Variants in STX3 observed in about 807,000 individuals in gnomAD.
STX3 encodes the protein syntaxin-3.
In STX3, 19 loss-of-function variants were observed where a neutral mutation model predicts 40.2. The observed-to-expected ratio is 0.47, with a 90% confidence interval of 0.33 to 0.69. The LOEUF (loss-of-function observed/expected upper bound fraction) is 0.69, where lower values mean the gene tolerates loss of function less well. Ranked by LOEUF, STX3 falls within the 30% of genes least tolerant of loss-of-function variation. The probability of loss-of-function intolerance (pLI) is 0.02; values close to 1 mark genes in which losing one functional copy is unlikely to be tolerated. For synonymous variants in STX3, 122 were observed against 132.2 expected (o/e 0.92, Z 0.53); for missense variants, 364 against 366.7 (o/e 0.99, Z 0.06).
chr11:59,755,768 C>T, intron 1 of STX3, 133 bp downstream of exon 1: 2 of 1,255,984 alleles, frequency 1.6e-6, no homozygotes, highest in Non-Finnish European at 2.1e-6. Context: ...CCACCGCTTC[C>T]CGCGCCGGTT....
chr11:59,760,071 G>C (rs369115352), intron 1 of STX3, among the ~76,000 whole-genome samples: 2 of 152,204 alleles, frequency 1.3e-5, no homozygotes, highest in African/African-American at 2.4e-5. Context: ...TCTGTGAGCA[G>C]ACGGGAACCA....
intron 2 of STX3, among the ~76,000 whole-genome samples, chr11:59,778,428 G>T (rs1864125439): frequency 6.6e-6 from 1 of 152,164 alleles, no homozygotes; most frequent in Non-Finnish European, 1.5e-5. Context: ...CACCAGGAAA[G>T]TGAGTACTCA....
At chr11:59,770,577 G>A (rs1863553285) in intron 1 of STX3, among the ~76,000 whole-genome samples, 1 of 152,092 alleles carries the variant, frequency 6.6e-6, no homozygotes, top group Admixed American at 6.5e-5. Context: ...AGGTTGCTGA[G>A]GGGCCTGAGA....
rs1865947928 is a variant in STX3, at chr11:59,802,942, C to T, written c.*2118C>T. The T allele has an allele frequency of 2.0e-6, 2 of 985,274 alleles. No individual in the cohort carries two copies. The highest frequency in any genetic ancestry group is 9.4e-5 in the South Asian group (2 of 21,286). The allele number at this position is 985,274 out of a possible 1,614,324, so 61.0% of individuals were successfully genotyped here. ...AATTTGGTTCAGTCCTTGGGAGTAT[C>T]TGGCTTTAGGAGGAAATGGGGGAGA... On this transcript the variant is annotated 3_prime_UTR_variant, in exon 11 of 11. Coordinates refer to ENST00000337979, the MANE Select transcript of STX3 (RefSeq NM_004177.5).
intron 1 of STX3, among the ~76,000 whole-genome samples, chr11:59,764,523 C>T (rs1863191054): frequency 6.6e-6 from 1 of 152,102 alleles, no homozygotes; most frequent in Non-Finnish European, 1.5e-5. Flanking sequence ...ATCTGACTGC[C>T]TGAGTTGGAT....
At chr11:59,754,649 C>T (rs1862618364), upstream of STX3, 1 of 152,220 alleles carries the variant, frequency 6.6e-6, no homozygotes, top group African/African-American at 2.4e-5. Context: ...TAAAGCCCCT[C>T]CTCGCTCACA....
intron 4 of STX3, among the ~76,000 whole-genome samples, chr11:59,789,937 G>A (rs182764412): frequency 7.2e-5 from 11 of 152,278 alleles, no homozygotes; most frequent in African/African-American, 2.2e-4. Flanking sequence ...ACTTAGTTCT[G>A]TTGCTAGAGC....
chr11:59,774,192 C>T (rs1017869009), intron 2 of STX3, among the ~76,000 whole-genome samples: 2 of 151,960 alleles, frequency 1.3e-5, no homozygotes, highest in Admixed American at 6.6e-5. Context: ...AGTAGTATAT[C>T]GTGGATGAAA....
At position 59,802,549 on chromosome 11, in the gene STX3, A is replaced by G. The variant is rs1302733890; in HGVS notation, c.*1725A>G. The G allele has an allele frequency of 5.1e-6, 5 of 985,716 alleles. No homozygotes were observed. Among genetic ancestry groups the G allele is most frequent in the Non-Finnish European group, 6.0e-6 (5 of 829,912 alleles). The allele number at this position is 985,716 out of a possible 1,614,324, so 61.1% of individuals were successfully genotyped here. A position where few individuals can be genotyped will look rare whatever the true frequency, so the allele number is the denominator to read the frequency against. On this transcript the variant is annotated 3_prime_UTR_variant, in exon 11 of 11. Transcript: ENST00000337979. ...GGCTCCAGCAACAAGAGACAAAATA[A>G]CTAAAGGCCTTTGCTCTCCTCTGAC... is the stretch of plus-strand genomic sequence containing the variant.
intron 1 of STX3, among the ~76,000 whole-genome samples, chr11:59,765,677 G>A (rs1295086202): frequency 1.3e-5 from 2 of 152,106 alleles, no homozygotes; most frequent in East Asian, 1.9e-4. Context: ...GGTGGTGTGC[G>A]CCTGTAATCC....
chr11:59,755,431 C>T lies in STX3; in HGVS notation c.-175C>T, dbSNP rs375863784. ...GGAGGGGGCTGCGCGGCGGAGGCTC[C>T]CGTGGCCTCGGACGCTCCTCCTAGC... On this transcript the variant is annotated 5_prime_UTR_variant, in exon 1 of 11. Transcript: ENST00000337979. 4 of 595,454 alleles carry T rather than the reference C, an allele frequency of 6.7e-6. No individual in the cohort carries two copies. Among genetic ancestry groups the T allele is most frequent in the East Asian group, 7.3e-5 (2 of 27,418 alleles). 36.9% of individuals were successfully genotyped at this position (595,454 alleles called of 1,614,324 possible). A position where few individuals can be genotyped will look rare whatever the true frequency, so the allele number is the denominator to read the frequency against.
intron 1 of STX3, among the ~76,000 whole-genome samples, chr11:59,764,699 A>G (rs373381902): frequency 5.9e-5 from 9 of 152,160 alleles, no homozygotes; most frequent in African/African-American, 2.2e-4. Context: ...CTGGGCTCCC[A>G]CAGACTTGCC....
rs537871268 is a variant in STX3 at position 59,758,550 on chromosome 11, G to A, written c.30+2915G>A. Among the ~76,000 whole-genome samples the A allele has an allele frequency of 3.9e-5, 6 of 152,308 alleles. No homozygotes were observed. In the South Asian group the frequency reaches 6.2e-4, roughly 16 times the overall value. ...TCTGTCTTGGCCTGCTGGCAACAGC[G>A]TCCACACAGAAGGGCATCCCTTCCT... On this transcript the variant is annotated intron_variant, in intron 1 of 10. Coordinates refer to ENST00000337979, the MANE Select transcript of STX3 (RefSeq NM_004177.5).
chr11:59,784,238 C>G (rs984279402), intron 2 of STX3, among the ~76,000 whole-genome samples: 1 of 152,232 alleles, frequency 6.6e-6, no homozygotes, highest in Non-Finnish European at 1.5e-5. Context: ...GACAACCAAT[C>G]TGTTGAACAT....
Position 59,801,960 on chromosome 11 carries a change from A to ACC in STX3, c.*1136_*1137insCC, listed in dbSNP as rs1865903238. 1.0e-6 allele frequency: 1 copy of ACC among 985,358 alleles called. No homozygotes were observed. Among genetic ancestry groups the ACC allele is most frequent in the East Asian group, 1.1e-4 (1 of 8,830 alleles). The allele number at this position is 985,358 out of a possible 1,614,324, so 61.0% of individuals were successfully genotyped here. On this transcript the variant is annotated 3_prime_UTR_variant, in exon 11 of 11. Coordinates refer to ENST00000337979, the MANE Select transcript of STX3 (RefSeq NM_004177.5). ...TTTCTGGATGAATACTGGGAGAATA[A>ACC]AATGAGAACTCTGGAGTGAGCTAAA...
chr11:59,789,095 A>G, intron 4 of STX3, 148 bp downstream of exon 4: 1 of 649,006 alleles, frequency 1.5e-6, no homozygotes, highest in Admixed American at 2.8e-5. Context: ...TGTCCCCGCA[A>G]TGATCCATTG....
chr11:59,801,397 G>T lies in STX3; in HGVS notation c.*573G>T. 11 of 987,492 alleles carry T rather than the reference G, an allele frequency of 1.1e-5. No individual in the cohort carries two copies. Among genetic ancestry groups the T allele is most frequent in the Non-Finnish European group, 1.3e-5 (11 of 831,012 alleles). 61.2% of individuals were successfully genotyped at this position (987,492 alleles called of 1,614,324 possible). A position where few individuals can be genotyped will look rare whatever the true frequency, so the allele number is the denominator to read the frequency against. ...TCATTTTGGTCTAAAGAGCTGACTT[G>T]TTTGAAATTCAGCCTTAAATTAAGC... On this transcript the variant is annotated 3_prime_UTR_variant, in exon 11 of 11. Transcript: ENST00000337979.
At chr11:59,761,057 T>TA (rs1863006734) in intron 1 of STX3, among the ~76,000 whole-genome samples, 2 of 152,250 alleles carry the variant, frequency 1.3e-5, no homozygotes, top group African/African-American at 4.8e-5. Flanking sequence ...AATCTTTACC[T>TA]ACCTGAAGTG....
chr11:59,766,461 G>A (rs561362426), intron 1 of STX3, among the ~76,000 whole-genome samples: 1 of 152,180 alleles, frequency 6.6e-6, no homozygotes, highest in African/African-American at 2.4e-5. Flanking sequence ...GTAAAGCTCT[G>A]TAGATTGAAG....
Sources: allele counts gnomAD v4.1 joint callset (sites outside exome capture counted in the v4.1 genomes callset), GRCh38; gene constraint gnomAD v4.1.1; transcripts MANE v1.5; gene names NCBI Gene and HGNC (gene_info 2026-07-23, HGNC 2026-07-21).